The following DLG2 variants were observed in gnomAD, a reference collection of about 807,000 sequenced individuals.
DLG2 encodes discs large MAGUK scaffold protein 2.
DLG2 carries 45 observed loss-of-function variants against 132.5 expected under a neutral mutation model. The ratio of observed to expected loss-of-function variants is 0.34; its 90% CI spans 0.27 to 0.44. The LOEUF (loss-of-function observed/expected upper bound fraction) is 0.44. DLG2 is among the 20% of genes least tolerant of loss of function. The pLI, the probability that DLG2 is intolerant of heterozygous loss-of-function variation, is 1.00. For synonymous variants in DLG2, 424 were observed against 419.6 expected, an observed-to-expected ratio of 1.01 and a Z score of -0.13; for missense variants, 1,045 against 1,196.9, an observed-to-expected ratio of 0.87 and a Z score of 1.87.
chr11:84,543,618 T>C (rs1208945693), intron 6 of DLG2, among the ~76,000 whole-genome samples: 2 of 152,126 alleles, frequency 1.3e-5, no homozygotes, highest in Non-Finnish European at 2.9e-5. Context: ...TGATAAATGT[T>C]TGTTGAATAA....
At chr11:85,050,071 T>C (rs1164477021) in intron 6 of DLG2, among the ~76,000 whole-genome samples, 3 of 150,532 alleles carry the variant, frequency 2.0e-5, no homozygotes, top group African/African-American at 7.3e-5. Flanking sequence ...GCTTACATTC[T>C]GAAGGAACTC....
intron 3 of DLG2, among the ~76,000 whole-genome samples, chr11:85,469,019 A>G: frequency 6.6e-6 from 1 of 152,182 alleles, no homozygotes; most frequent in East Asian, 1.9e-4. Context: ...TACTCCATTC[A>G]ATATATGTTT....
chr11:84,045,455 T>C (rs967134650), intron 11 of DLG2, among the ~76,000 whole-genome samples: 2 of 151,736 alleles, frequency 1.3e-5, no homozygotes, highest in Non-Finnish European at 2.9e-5. Flanking sequence ...ACAAAATTAT[T>C]CTAAAATAAA....
intron 6 of DLG2, among the ~76,000 whole-genome samples, chr11:84,744,812 T>A (rs1317988540): frequency 6.6e-6 from 1 of 151,256 alleles, no homozygotes; most frequent in Non-Finnish European, 1.5e-5. Flanking sequence ...CCTGCATTTT[T>A]AGGAAAGGAA....
intron 4 of DLG2, among the ~76,000 whole-genome samples, chr11:85,212,483 G>A (rs1565166039): frequency 1.3e-5 from 2 of 152,060 alleles, no homozygotes; most frequent in Non-Finnish European, 1.5e-5. Context: ...GATCATTGAG[G>A]ACTGACTGTG....
At chr11:85,096,000 C>A (rs1459421095) in intron 6 of DLG2, among the ~76,000 whole-genome samples, 1 of 152,178 alleles carries the variant, frequency 6.6e-6, no homozygotes, top group Non-Finnish European at 1.5e-5. Context: ...ATGCACCAAT[C>A]AGCACTCTGT....
intron 21 of DLG2, among the ~76,000 whole-genome samples, chr11:83,511,801 C>A (rs2095044982): frequency 3.3e-5 from 5 of 150,840 alleles, no homozygotes. Context: ...TGGGCTCAAG[C>A]AATTCTCTCA....
chr11:84,951,293 G>A (rs928591863), intron 6 of DLG2, among the ~76,000 whole-genome samples: 2 of 152,122 alleles, frequency 1.3e-5, no homozygotes, highest in East Asian at 3.9e-4. Context: ...TCTTAAAGAT[G>A]AGACATGAAG....
At chr11:83,731,946 T>C (rs2091089800) in intron 18 of DLG2, among the ~76,000 whole-genome samples, 1 of 152,234 alleles carries the variant, frequency 6.6e-6, no homozygotes, top group Non-Finnish European at 1.5e-5. Context: ...TGCCACACAA[T>C]AGTCATTTAA....
intron 6 of DLG2, among the ~76,000 whole-genome samples, chr11:84,596,451 G>C (rs2099558310): frequency 6.8e-6 from 1 of 145,990 alleles, no homozygotes; most frequent in African/African-American, 2.5e-5. Flanking sequence ...TCGAACTTCT[G>C]ACCTCAGGTG....
intron 3 of DLG2, among the ~76,000 whole-genome samples, chr11:85,480,828 C>A (rs1429080247): frequency 2.0e-5 from 3 of 152,152 alleles, no homozygotes; most frequent in African/African-American, 7.2e-5. Flanking sequence ...GGAAAAAAAA[C>A]TAAATGTCAT....
chr11:84,079,231 C>T (rs960673053), intron 10 of DLG2, among the ~76,000 whole-genome samples: 5 of 151,718 alleles, frequency 3.3e-5, no homozygotes, highest in African/African-American at 1.2e-4. Context: ...GTTCAAGTTA[C>T]AATCTTTCAT....
intron 14 of DLG2, among the ~76,000 whole-genome samples, chr11:83,960,840 G>T (rs767827832): frequency 6.6e-6 from 1 of 151,968 alleles, no homozygotes; most frequent in Non-Finnish European, 1.5e-5. Flanking sequence ...ACCAACAATG[G>T]TAAGAGAGTG....
intron 2 of DLG2, among the ~76,000 whole-genome samples, chr11:85,599,481 G>C (rs1224585376): frequency 6.6e-6 from 1 of 151,762 alleles, no homozygotes; most frequent in Non-Finnish European, 1.5e-5. Flanking sequence ...CTTGAAAAGG[G>C]GTTCTTGTCA....
At chr11:84,905,085 C>T (rs2091356634) in intron 6 of DLG2, among the ~76,000 whole-genome samples, 1 of 152,062 alleles carries the variant, frequency 6.6e-6, no homozygotes, top group African/African-American at 2.4e-5. Context: ...AGGATTTCAC[C>T]ATGTTGGTCA....
chr11:84,761,116 G>C (rs992707209), intron 6 of DLG2, among the ~76,000 whole-genome samples: 1 of 152,162 alleles, frequency 6.6e-6, no homozygotes, highest in Non-Finnish European at 1.5e-5. Flanking sequence ...TCTGAAAATG[G>C]GAAAGCTGAA....
chr11:83,861,667 C>G (rs1304529910), intron 16 of DLG2, among the ~76,000 whole-genome samples: 2 of 151,628 alleles, frequency 1.3e-5, no homozygotes, highest in Non-Finnish European at 2.9e-5. Context: ...ATCTAAAATT[C>G]GAAACAATTG....
At chr11:84,575,345 A>G (rs1461116592) in intron 6 of DLG2, among the ~76,000 whole-genome samples, 1 of 151,762 alleles carries the variant, frequency 6.6e-6, no homozygotes, top group East Asian at 1.9e-4. Context: ...CCCATGGAGC[A>G]TTCACACATT....
intron 3 of DLG2, among the ~76,000 whole-genome samples, chr11:85,324,844 A>C (rs1020028472): frequency 2.0e-5 from 3 of 151,362 alleles, no homozygotes; most frequent in African/African-American, 7.3e-5. Context: ...TGATTTCTGC[A>C]TTTCCATCTG....
Sources: gnomAD v4.1 joint callset for allele counts (sites outside exome capture counted in the v4.1 genomes callset) on GRCh38, gnomAD v4.1.1 for gene constraint, MANE v1.5 for transcripts, NCBI Gene and HGNC (gene_info 2026-07-23, HGNC 2026-07-21) for gene names.